The following GSE1 variants were observed in gnomAD, a reference collection of about 807,000 sequenced individuals.
The protein encoded by GSE1 is genetic suppressor element 1.
A neutral mutation model predicts 112.6 loss-of-function variants in GSE1; 32 were observed. That is an observed-to-expected ratio of 0.28 (90% CI 0.21 to 0.38). GSE1 has a LOEUF of 0.38. Among genes scored for constraint, GSE1 ranks in the 10% least tolerant of loss-of-function variants. GSE1 has a pLI of 1.00. For synonymous variants in GSE1, 1,115 were observed against 735.6 expected (o/e 1.52, Z -8.35); for missense variants, 2,348 against 1,699.2 (o/e 1.38, Z -6.71).
chr16:85,647,743 C>T (rs887298882), intron 2 of GSE1, among the ~76,000 whole-genome samples: 11 of 152,190 alleles, frequency 7.2e-5, no homozygotes, highest in African/African-American at 2.2e-4. Context: ...CGCGCCATCA[C>T]GCCCGGCTAA....
intron 1 of GSE1, among the ~76,000 whole-genome samples, chr16:85,271,545 T>C (rs1053903177): frequency 4.6e-5 from 7 of 152,182 alleles, no homozygotes; most frequent in Admixed American, 4.6e-4. Context: ...TCTGCCAAAG[T>C]GCGGGAGTGA....
At chr16:85,584,117 C>G (rs890464438) in intron 1 of GSE1, among the ~76,000 whole-genome samples, 1 of 152,196 alleles carries the variant, frequency 6.6e-6, no homozygotes, top group South Asian at 2.1e-4. Context: ...CTGCACAGCC[C>G]GCAGACTGGC....
At chr16:85,306,834 G>A (rs2968422) in intron 1 of GSE1, among the ~76,000 whole-genome samples, 130,160 of 152,250 alleles carry the variant, frequency 0.85, 55,971 homozygotes, top group African/African-American at 0.94. Context: ...AGCATTTTCC[G>A]GAAAGGAGAG....
intron 1 of GSE1, among the ~76,000 whole-genome samples, chr16:85,326,501 TC>T (rs764464880): frequency 4.6e-5 from 7 of 152,160 alleles, no homozygotes; most frequent in Non-Finnish European, 1.0e-4. Context: ...TGGGGGCGTT[TC>T]CCCTATGCCG....
upstream of GSE1, chr16:85,554,747 A>G: frequency 2.4e-6 from 1 of 419,134 alleles, no homozygotes; most frequent in Non-Finnish European, 3.1e-6. Context: ...GCGGAGGGCG[A>G]ACTCCCGGCT....
rs561947884 is a variant in GSE1, at chr16:85,383,434, T to C, written c.2464+25791T>C. On this transcript the variant is annotated intron_variant, in intron 2 of 2. Transcript: ENST00000637419. The stretch of plus-strand genomic sequence containing the variant: ...CGCACACACAGCCTCTGTACATAGA[T>C]ACGCACGCATTCACATGTACACACA... Among the ~76,000 whole-genome samples, 1,264 of 150,810 alleles carry C rather than the reference T, an allele frequency of 8.4e-3. 15 individuals carry two copies. Among genetic ancestry groups the C allele is most frequent in the African/African-American group, 0.03 (1,217 of 40,960 alleles).
chr16:85,478,353 C>T (rs776747296), intron 2 of GSE1, among the ~76,000 whole-genome samples: 1 of 151,898 alleles, frequency 6.6e-6, no homozygotes, highest in Non-Finnish European at 1.5e-5. Flanking sequence ...ATGGTGAAAC[C>T]CCGTCCCTAC....
chr16:85,542,104 CCTT>C (rs1209694217), intron 2 of GSE1, among the ~76,000 whole-genome samples: 3 of 130,786 alleles, frequency 2.3e-5, no homozygotes, highest in Non-Finnish European at 5.1e-5. Context: ...CCGGTTTTGA[CCTT>C]CTGGGTTGGA....
intron 2 of GSE1, among the ~76,000 whole-genome samples, chr16:85,462,815 C>CG (rs1217363902): frequency 3.3e-5 from 4 of 122,446 alleles, no homozygotes; most frequent in Non-Finnish European, 5.2e-5. Context: ...GGCGCGGGGC[C>CG]GGGGGGCGGC....
At chr16:85,490,424 C>A (rs1305303555) in intron 2 of GSE1, 1 of 152,238 alleles carries the variant, frequency 6.6e-6, no homozygotes, top group Non-Finnish European at 1.5e-5. Context: ...GCAGAAGCGC[C>A]CATTCCTGCA....
chr16:85,603,347 G>A (rs771732735), intron 1 of GSE1, among the ~76,000 whole-genome samples: 1 of 152,190 alleles, frequency 6.6e-6, no homozygotes, highest in African/African-American at 2.4e-5. Context: ...GGCTTCGCTC[G>A]TGACTCTGCT....
intron 1 of GSE1, among the ~76,000 whole-genome samples, chr16:85,330,692 A>G (rs767515402): frequency 6.6e-6 from 1 of 152,208 alleles, no homozygotes; most frequent in Non-Finnish European, 1.5e-5. Context: ...AAAATGTTTC[A>G]TAATTAAACT....
intron 1 of GSE1, among the ~76,000 whole-genome samples, chr16:85,588,524 A>C (rs999787197): frequency 6.6e-6 from 1 of 152,200 alleles, no homozygotes; most frequent in African/African-American, 2.4e-5. Flanking sequence ...CAGTGCTCCA[A>C]ATGAGGCGAT....
intron 1 of GSE1, among the ~76,000 whole-genome samples, chr16:85,214,654 G>A (rs1362764289): frequency 6.6e-5 from 10 of 152,054 alleles, no homozygotes; most frequent in African/African-American, 1.4e-4. Flanking sequence ...AGTAATACCC[G>A]GGCCCTTCTG....
At chr16:85,454,017 C>T (rs2049757057) in intron 2 of GSE1, among the ~76,000 whole-genome samples, 3 of 152,186 alleles carry the variant, frequency 2.0e-5, no homozygotes, top group Non-Finnish European at 4.4e-5. Context: ...ACCCCCGCCC[C>T]CTGCCCCACG....
chr16:85,321,987 C>T (rs370655269), intron 1 of GSE1, among the ~76,000 whole-genome samples: 26 of 152,290 alleles, frequency 1.7e-4, no homozygotes, highest in African/African-American at 6.0e-4. Context: ...GGGCCGTGTC[C>T]ACCCACTGAG....
At chr16:85,321,997 G>T (rs2046117895) in intron 1 of GSE1, among the ~76,000 whole-genome samples, 1 of 152,206 alleles carries the variant, frequency 6.6e-6, no homozygotes, top group Non-Finnish European at 1.5e-5. Flanking sequence ...CACCCACTGA[G>T]CCTGGCCGCG....
chr16:85,313,802 C>T (rs1255473756), intron 1 of GSE1, among the ~76,000 whole-genome samples: 1 of 152,238 alleles, frequency 6.6e-6, no homozygotes, highest in Non-Finnish European at 1.5e-5. Flanking sequence ...CAATGTCCAC[C>T]CTGGGCTGCG....
At chr16:85,657,116 A>G (rs145699196) in intron 7 of GSE1, among the ~76,000 whole-genome samples, 161 bp from the exon 8 acceptor site, 1 of 152,272 alleles carries the variant, frequency 6.6e-6, no homozygotes, top group Non-Finnish European at 1.5e-5. Context: ...ATGCTTCTTG[A>G]AAGCTCCCGT....
Sources: allele counts gnomAD v4.1 joint callset (sites outside exome capture counted in the v4.1 genomes callset), GRCh38; gene constraint gnomAD v4.1.1; transcripts MANE v1.5; gene names NCBI Gene and HGNC (gene_info 2026-07-23, HGNC 2026-07-21).